Variants in ARL15 observed in about 807,000 individuals in gnomAD.
The protein encoded by ARL15 is ADP-ribosylation factor-like protein 15.
A neutral mutation model predicts 25.2 loss-of-function variants in ARL15; 19 were observed. The observed-to-expected ratio is 0.75, with a 90% CI of 0.53 to 1.10. The LOEUF (loss-of-function observed/expected upper bound fraction) is 1.10. Ranked by LOEUF, ARL15 falls within the 50% of genes least tolerant of loss-of-function variation. ARL15 has a pLI of 0.00. For synonymous variants in ARL15, 94 were observed against 86.8 expected, an observed-to-expected ratio of 1.08 and a Z score of -0.46; for missense variants, 220 against 246.0, an observed-to-expected ratio of 0.89 and a Z score of 0.71.
At chr5:54,237,898 G>T (rs2112569021) in intron 1 of ARL15, among the ~76,000 whole-genome samples, 1 of 152,242 alleles carries the variant, frequency 6.6e-6, no homozygotes, top group South Asian at 2.1e-4. Context: ...ACCATATGAG[G>T]GGGAAAAGCA....
intron 1 of ARL15, among the ~76,000 whole-genome samples, chr5:54,289,078 T>C (rs934782511): frequency 5.3e-5 from 8 of 152,182 alleles, no homozygotes; most frequent in African/African-American, 1.7e-4. Flanking sequence ...CCTAAACCAC[T>C]GATGCCCCAG....
chr5:54,203,188 T>G (rs1427860327), intron 1 of ARL15, among the ~76,000 whole-genome samples: 1 of 152,170 alleles, frequency 6.6e-6, no homozygotes, highest in Non-Finnish European at 1.5e-5. Flanking sequence ...CCCCCCTCAC[T>G]GTTAAATACA....
chr5:54,090,370 T>C (rs1281995451), intron 4 of ARL15, among the ~76,000 whole-genome samples: 1 of 151,664 alleles, frequency 6.6e-6, no homozygotes, highest in Non-Finnish European at 1.5e-5. Flanking sequence ...AAATATAAGA[T>C]GGCTATTACA....
At chr5:54,214,147 C>A (rs1407203220) in intron 1 of ARL15, among the ~76,000 whole-genome samples, 3 of 152,066 alleles carry the variant, frequency 2.0e-5, no homozygotes, top group Non-Finnish European at 4.4e-5. Context: ...ATAGAAGGAC[C>A]ACTACCCAGA....
intron 4 of ARL15, among the ~76,000 whole-genome samples, chr5:54,027,516 A>G (rs1350528331): frequency 6.6e-6 from 1 of 152,250 alleles, no homozygotes; most frequent in Admixed American, 6.5e-5. Context: ...ATGAATACCA[A>G]CAAGCCTAAA....
At chr5:54,003,371 C>T (rs1471137907) in intron 4 of ARL15, among the ~76,000 whole-genome samples, 2 of 152,146 alleles carry the variant, frequency 1.3e-5, no homozygotes, top group Non-Finnish European at 2.9e-5. Flanking sequence ...TACCACAATC[C>T]CCTACATCCT....
intron 4 of ARL15, among the ~76,000 whole-genome samples, chr5:54,109,316 T>C (rs1752671826): frequency 6.6e-6 from 1 of 152,032 alleles, no homozygotes; most frequent in Non-Finnish European, 1.5e-5. Flanking sequence ...AACACTGTAC[T>C]TTTGATATAC....
intron 3 of ARL15, among the ~76,000 whole-genome samples, chr5:54,153,049 T>C (rs1306932777): frequency 7.0e-6 from 1 of 143,546 alleles, no homozygotes; most frequent in Non-Finnish European, 1.5e-5. Flanking sequence ...TGGAAGGTGT[T>C]CAATAAAAGC....
intron 4 of ARL15, among the ~76,000 whole-genome samples, chr5:54,046,690 TCAA>T (rs1220999752): frequency 7.2e-5 from 11 of 152,180 alleles, no homozygotes; most frequent in Non-Finnish European, 1.6e-4. Context: ...GAATCATGGG[TCAA>T]CAACTGCTGT....
intron 1 of ARL15, among the ~76,000 whole-genome samples, chr5:54,302,402 G>C (rs1338600867): frequency 1.3e-5 from 2 of 152,138 alleles, no homozygotes; most frequent in East Asian, 1.9e-4. Context: ...TCTTTTCTAA[G>C]TTGCTATGTC....
chr5:54,173,796 T>C lies in ARL15; in HGVS notation c.49-1868A>G, dbSNP rs555826383. ...AGCTCTCGAGCCCAAACCCTTACCA[T>C]GGTCTACCCCACACTCCATGATCTG... On this transcript the variant is annotated intron_variant, in intron 1 of 4. Transcript: ENST00000504924. 3.3e-5 allele frequency among the ~76,000 whole-genome samples: 5 copies of C among 152,204 alleles called. No homozygotes were observed. In the South Asian group the frequency reaches 8.3e-4, roughly 25 times the overall value.
chr5:53,929,216 G>A (rs1401982931), intron 4 of ARL15, among the ~76,000 whole-genome samples: 6 of 150,922 alleles, frequency 4.0e-5, no homozygotes, highest in Admixed American at 1.3e-4. Context: ...TGGTTAGATA[G>A]AAGCGAAAAG....
Position 54,154,466 on chromosome 5 carries a change from A to G in ARL15, c.253+114T>C, listed in dbSNP as rs893742498. On this transcript the variant is annotated intron_variant, in intron 3 of 4. Coordinates refer to ENST00000504924, the MANE Select transcript of ARL15 (RefSeq NM_019087.3). ...TTCTAGGAAATATATTATCAAGATA[A>G]AAATGAACCACCTACTAAAATAAGT... is the stretch of plus-strand genomic sequence containing the variant. 7 of 675,230 alleles carry G rather than the reference A, an allele frequency of 1.0e-5. No homozygotes were observed. The East Asian group carries it at 2.3e-4, about 22-fold the overall frequency. 41.8% of individuals were successfully genotyped at this position (675,230 alleles called of 1,614,324 possible).
chr5:53,947,070 CTTAG>C (rs1419794128), intron 4 of ARL15, among the ~76,000 whole-genome samples: 1 of 151,808 alleles, frequency 6.6e-6, no homozygotes, highest in Non-Finnish European at 1.5e-5. Flanking sequence ...TGTGTTAAAT[CTTAG>C]TTGGTGCTAA....
rs143366331 is a variant in ARL15 at position 54,130,040 on chromosome 5, A to G, written c.254-16630T>C. ...GATTGCTTGAGCCCAGGAGTCCAAG[A>G]CCAGCCTGGGCAACAGAGGGAGACC... is the stretch of plus-strand genomic sequence containing the variant. On this transcript the variant is annotated intron_variant, in intron 3 of 4. Transcript: ENST00000504924. Among the ~76,000 whole-genome samples, 718 of 152,236 alleles carry G rather than the reference A, an allele frequency of 4.7e-3. 3 individuals are homozygous for G. The highest frequency in any genetic ancestry group is 0.015 in the African/African-American group (624 of 41,546).
intron 4 of ARL15, among the ~76,000 whole-genome samples, chr5:54,027,341 G>A (rs1377246522): frequency 3.3e-5 from 5 of 152,178 alleles, no homozygotes; most frequent in Admixed American, 2.6e-4. Context: ...TTAACCAGTC[G>A]GAAGGCAATT....
intron 1 of ARL15, among the ~76,000 whole-genome samples, chr5:54,293,926 T>G (rs941736897): frequency 6.6e-5 from 10 of 152,208 alleles, no homozygotes; most frequent in Middle Eastern, 6.8e-3. Flanking sequence ...CCTCCTGGGT[T>G]CAAGCAATTC....
intron 4 of ARL15, among the ~76,000 whole-genome samples, chr5:53,961,070 C>T (rs1174158396): frequency 6.6e-6 from 1 of 151,926 alleles, no homozygotes; most frequent in Non-Finnish European, 1.5e-5. Flanking sequence ...CTGGGGAATA[C>T]CAAAGATAAA....
chr5:54,060,943 T>C (rs544186298), intron 4 of ARL15, among the ~76,000 whole-genome samples: 22 of 152,148 alleles, frequency 1.4e-4, no homozygotes, highest in Admixed American at 1.4e-3. Context: ...AGCCTGACAG[T>C]GCGATAGAAA....
Sources: allele counts gnomAD v4.1 joint callset (sites outside exome capture counted in the v4.1 genomes callset), GRCh38; gene constraint gnomAD v4.1.1; transcripts MANE v1.5; gene names NCBI Gene and HGNC (gene_info 2026-07-23, HGNC 2026-07-21).